Variants in NBAS observed in about 807,000 individuals in gnomAD.
NBAS encodes NAG/BC035112 fusion.
In NBAS, 219 loss-of-function variants were observed where a neutral mutation model predicts 302.5. The ratio of observed to expected loss-of-function variants is 0.72; its 90% confidence interval spans 0.65 to 0.81. NBAS has a LOEUF of 0.81. Among genes scored for constraint, NBAS ranks in the 30% least tolerant of loss-of-function variants. The pLI, the probability that NBAS is intolerant of heterozygous loss-of-function variation, is 0.00. For synonymous variants in NBAS, 1,118 were observed against 1,021.6 expected, an observed-to-expected ratio of 1.09 and a Z score of -1.80; for missense variants, 2,932 against 2,841.6, an observed-to-expected ratio of 1.03 and a Z score of -0.72.
At chr2:15,265,427 T>C (rs1299578435) in intron 44 of NBAS, among the ~76,000 whole-genome samples, 1 of 152,162 alleles carries the variant, frequency 6.6e-6, no homozygotes, top group African/African-American at 2.4e-5. Flanking sequence ...AGCTAGGGTA[T>C]AGGAAAATTA....
At chr2:15,033,744 C>G in the NBAS span, among the ~76,000 whole-genome samples, 14 of 151,922 alleles carry the variant, frequency 9.2e-5, no homozygotes, top group Non-Finnish European at 1.9e-4. Context: ...TGCTTGAGCC[C>G]AGGACCAGCC....
intron 51 of NBAS, among the ~76,000 whole-genome samples, chr2:15,176,247 G>A (rs1399651762): frequency 6.6e-6 from 1 of 152,200 alleles, no homozygotes; most frequent in African/African-American, 2.4e-5. Context: ...GAAGAGCAAT[G>A]ATTAATTACA....
intron 35 of NBAS, among the ~76,000 whole-genome samples, chr2:15,333,070 G>A (rs970647836): frequency 2.6e-5 from 4 of 152,170 alleles, no homozygotes; most frequent in Non-Finnish European, 5.9e-5. Flanking sequence ...ACTTTTATAC[G>A]AGAGGTATTA....
At chr2:15,518,704 C>T (rs2287275) in intron 9 of NBAS, among the ~76,000 whole-genome samples, 96,795 of 151,954 alleles carry the variant, frequency 0.64, 31,551 homozygotes, top group Non-Finnish European at 0.68. Flanking sequence ...CTGATAAAGA[C>T]ATGCCCGAGA....
intron 9 of NBAS, among the ~76,000 whole-genome samples, chr2:15,532,756 T>C (rs956904406): frequency 3.3e-5 from 5 of 151,880 alleles, no homozygotes; most frequent in African/African-American, 1.2e-4. Context: ...AGAAGTTGGG[T>C]GGAGGAGTCA....
chr2:15,482,941 CA>C (rs1456527599), intron 12 of NBAS, among the ~76,000 whole-genome samples: 1 of 152,092 alleles, frequency 6.6e-6, no homozygotes, highest in African/African-American at 2.4e-5. Flanking sequence ...TTCATGCTAC[CA>C]CATTACTGAA....
the NBAS span, among the ~76,000 whole-genome samples, chr2:15,019,310 T>G: frequency 6.6e-6 from 1 of 152,184 alleles, no homozygotes; most frequent in Non-Finnish European, 1.5e-5. Flanking sequence ...TAATTATACA[T>G]GAGGTAAATA....
intron 21 of NBAS, among the ~76,000 whole-genome samples, chr2:15,459,393 T>C (rs1391613724): frequency 2.6e-5 from 4 of 152,222 alleles, no homozygotes; most frequent in Non-Finnish European, 5.9e-5. Context: ...GATCTAATTA[T>C]ATTCTGAAAA....
At chr2:15,070,461 C>A in the NBAS span, among the ~76,000 whole-genome samples, 1 of 152,114 alleles carries the variant, frequency 6.6e-6, no homozygotes, top group East Asian at 1.9e-4. Context: ...GTTGTTGGCC[C>A]CATATCTGCC....
chr2:15,203,138 C>G (rs1290336037), intron 48 of NBAS, among the ~76,000 whole-genome samples: 1 of 152,258 alleles, frequency 6.6e-6, no homozygotes, highest in South Asian at 2.1e-4. Context: ...ATATACCATA[C>G]AGACATACAC....
In NBAS at chr2:15,330,696, C is replaced by T. The variant is rs1302285774; in HGVS notation, c.4249G>A (p.Val1417Ile). 2.5e-6 allele frequency: 4 copies of T among 1,613,962 alleles called. No homozygotes were observed. The highest frequency in any genetic ancestry group is 3.4e-6 in the Non-Finnish European group (4 of 1,179,984). ...GTGGTGGTTGTGGTGTTGGAAAGGACTTTCATGGTGGTAGCAGTGGTCCAG... is the reference window on the plus strand; with the variant it reads ...GTGGTGGTTGTGGTGTTGGAAAGGATTTTCATGGTGGTAGCAGTGGTCCAG... The part of the protein sequence containing the change: ...LRWTTATTMK[V>I]LSNTTTTTKA... The change falls in exon 36 of 52, where the codon GTC becomes ATC. Residue 1417 changes from valine (V) to isoleucine (I), a missense_variant. Physicochemically the swap from Val to Ile is conservative, Grantham distance 29 (BLOSUM62 3). Coordinates refer to ENST00000281513, the MANE Select transcript of NBAS (RefSeq NM_015909.4).
At chr2:15,186,287 T>C (rs1665083142) in intron 50 of NBAS, among the ~76,000 whole-genome samples, 1 of 152,102 alleles carries the variant, frequency 6.6e-6, no homozygotes, top group African/African-American at 2.4e-5. Context: ...GTTTTGACCA[T>C]ACTTCGCAGA....
At chr2:15,269,328 G>A (rs1350523582) in intron 44 of NBAS, among the ~76,000 whole-genome samples, 1 of 152,158 alleles carries the variant, frequency 6.6e-6, no homozygotes, top group Non-Finnish European at 1.5e-5. Flanking sequence ...ACATCCTGAT[G>A]GGAGACTATT....
the NBAS span, among the ~76,000 whole-genome samples, chr2:15,088,660 C>T: frequency 2.0e-5 from 3 of 152,296 alleles, no homozygotes; most frequent in Admixed American, 6.5e-5. Context: ...GGCTTTCCCT[C>T]GGTGCTTCCT....
chr2:15,146,487 C>T, the NBAS span, among the ~76,000 whole-genome samples: 1 of 152,198 alleles, frequency 6.6e-6, no homozygotes, highest in African/African-American at 2.4e-5. Flanking sequence ...TCCAACACCC[C>T]CAGTCAGAAG....
chr2:15,459,835 T>C (rs1388839166), intron 21 of NBAS, among the ~76,000 whole-genome samples: 3 of 152,168 alleles, frequency 2.0e-5, no homozygotes, highest in Non-Finnish European at 1.5e-5. Flanking sequence ...AACACTAATG[T>C]AAACTAAGGA....
chr2:15,463,076 C>A (rs1679573795), intron 19 of NBAS, among the ~76,000 whole-genome samples: 1 of 152,232 alleles, frequency 6.6e-6, no homozygotes, highest in African/African-American at 2.4e-5. Context: ...AGTTTGAGAA[C>A]AGCTTGGGCA....
the NBAS span, among the ~76,000 whole-genome samples, chr2:15,117,097 T>G: frequency 5.9e-5 from 9 of 152,264 alleles, no homozygotes; most frequent in Admixed American, 2.0e-4. Flanking sequence ...GTATCAGATC[T>G]TACATGGCAA....
the NBAS span, among the ~76,000 whole-genome samples, chr2:15,108,878 T>C: frequency 6.6e-6 from 1 of 152,098 alleles, no homozygotes; most frequent in Non-Finnish European, 1.5e-5. Flanking sequence ...AACCCAATTG[T>C]TGACCAAGGC....
Sources: allele counts gnomAD v4.1 joint callset (sites outside exome capture counted in the v4.1 genomes callset), GRCh38; gene constraint gnomAD v4.1.1; transcripts MANE v1.5; gene names NCBI Gene and HGNC (gene_info 2026-07-23, HGNC 2026-07-21).